The following FAM169A variants were observed in gnomAD, a reference collection of about 807,000 sequenced individuals.
FAM169A encodes soluble lamin-associated protein of 75 kDa.
A neutral mutation model predicts 75.7 loss-of-function variants in FAM169A; 24 were observed. The observed-to-expected ratio is 0.32, with a 90% confidence interval of 0.23 to 0.45. FAM169A has a LOEUF of 0.45. Among genes scored for constraint, FAM169A ranks in the 20% least tolerant of loss-of-function variants. FAM169A has a pLI of 1.00. For missense variants in FAM169A, 673 were observed against 784.0 expected, an observed-to-expected ratio of 0.86 and a Z score of 1.69; for synonymous variants, 271 against 271.0, an observed-to-expected ratio of 1.00 and a Z score of 0.00.
chr5:74,799,351 A>G (rs1235109481), intron 10 of FAM169A: 6 of 1,610,508 alleles, frequency 3.7e-6, no homozygotes, highest in Middle Eastern at 1.6e-4. Flanking sequence ...AGCACGACTC[A>G]TTTCAGTTTG....
intron 1 of FAM169A, among the ~76,000 whole-genome samples, chr5:74,844,173 A>G (rs560704829): frequency 9.2e-5 from 14 of 152,322 alleles, no homozygotes; most frequent in African/African-American, 2.9e-4. Flanking sequence ...TTTCCATGAC[A>G]AGGCCGGGCA....
intron 1 of FAM169A, among the ~76,000 whole-genome samples, chr5:74,844,313 T>C (rs1749034204): frequency 6.6e-6 from 1 of 151,472 alleles, no homozygotes; most frequent in Admixed American, 6.6e-5. Flanking sequence ...AATATGAAAA[T>C]TAGCCGGGTA....
In FAM169A at chr5:74,783,017, G is replaced by A; in HGVS notation, c.1378C>T (p.Pro460Ser). 6.2e-7 allele frequency: 1 copy of A among 1,613,400 alleles called. No individual in the cohort carries two copies. The highest frequency in any genetic ancestry group is 8.5e-7 in the Non-Finnish European group (1 of 1,179,362). ...GTAGAGTCTTCACTGGAATTAAAAGGCTGCAATTTTAATTCTTCATCTAAA... is the reference window on the plus strand; with the variant it reads ...GTAGAGTCTTCACTGGAATTAAAAGACTGCAATTTTAATTCTTCATCTAAA... Reference protein sequence around the residue: ...EVLDEELKLQPFNSSEDSTNL... With the variant: ...EVLDEELKLQSFNSSEDSTNL... Residue 460 changes from proline (P) to serine (S), a missense_variant, in exon 12 of 13, where the codon CCT (proline) becomes TCT (serine). By Grantham distance (74) the Pro-to-Ser change is moderately conservative. This residue lies in a region of FAM169A where 510 missense variants were observed against 550.9 expected (regional missense o/e 0.93). Transcript: ENST00000687041.
At chr5:74,832,304 A>G (rs1164530221) in intron 5 of FAM169A, among the ~76,000 whole-genome samples, 1 of 152,002 alleles carries the variant, frequency 6.6e-6, no homozygotes, top group Non-Finnish European at 1.5e-5. Flanking sequence ...CAAAAAACAA[A>G]CAAACTGTAA....
chr5:74,799,814 C>T (rs12656070), intron 10 of FAM169A: 99,996 of 1,063,276 alleles, frequency 0.094, 5,950 homozygotes, highest in East Asian at 0.15. Flanking sequence ...TCTTGAACTA[C>T]GATGACCGTG....
intron 1 of FAM169A, among the ~76,000 whole-genome samples, chr5:74,846,024 T>C (rs948519126): frequency 1.3e-5 from 2 of 152,210 alleles, no homozygotes; most frequent in East Asian, 3.8e-4. Flanking sequence ...CAATAGTGGA[T>C]AGAAGTAGTA....
intron 5 of FAM169A, 62 bp downstream of exon 5, chr5:74,834,364 T>G (rs973242387): frequency 2.6e-5 from 26 of 984,882 alleles, no homozygotes; most frequent in Non-Finnish European, 3.4e-5. Flanking sequence ...ATTGATACAG[T>G]TGGAGGGGTC....
intron 11 of FAM169A, among the ~76,000 whole-genome samples, chr5:74,791,782 A>T (rs1049072433): frequency 2.0e-5 from 3 of 152,230 alleles, no homozygotes; most frequent in Admixed American, 1.3e-4. Flanking sequence ...CCACTAGGAA[A>T]AAAAAACATG....
chr5:74,779,899 G>C lies in FAM169A; in HGVS notation c.*1561C>G, dbSNP rs1364353057. 6.6e-6 allele frequency: 1 copy of C among 152,102 alleles called. No homozygotes were observed. The highest frequency in any genetic ancestry group is 2.4e-5 in the African/African-American group (1 of 41,424). 9.4% of individuals were successfully genotyped at this position (152,102 alleles called of 1,614,324 possible). A position where few individuals can be genotyped will look rare whatever the true frequency, so the allele number is the denominator to read the frequency against. ...AATACACTTTCAACATCAGTCCTTA[G>C]CTACCTCAAATAATGACACAAAGTC... On this transcript the variant is annotated 3_prime_UTR_variant, in exon 13 of 13. Coordinates refer to ENST00000687041, the MANE Select transcript of FAM169A (RefSeq NM_001376049.1).
intron 2 of FAM169A, among the ~76,000 whole-genome samples, chr5:74,840,666 A>G (rs1748814357): frequency 6.6e-6 from 1 of 152,002 alleles, no homozygotes; most frequent in South Asian, 2.1e-4. Context: ...CATCTTTACT[A>G]AAAATATCAA....
chr5:74,843,668 C>T (rs148889463), intron 1 of FAM169A, among the ~76,000 whole-genome samples: 13 of 152,262 alleles, frequency 8.5e-5, no homozygotes, highest in Non-Finnish European at 1.5e-4. Context: ...TGAAATCATT[C>T]AGTATGCTCT....
Position 74,801,004 on chromosome 5 carries a change from G to T in FAM169A, c.979C>A (p.His327Asn). 2 of 1,563,496 alleles carry T rather than the reference G, an allele frequency of 1.3e-6. No individual in the cohort carries two copies. The highest frequency in any genetic ancestry group is 1.7e-6 in the Non-Finnish European group (2 of 1,154,804). ...CGCTTTAGATTACCACTTCGAGTAT[G>T]AGTGGAAACAGATGTTTTATCATGA... is the stretch of plus-strand genomic sequence containing the variant. ...EGHDKTSVSTHTRSGNLKRPK... is the reference protein window; with the variant it reads ...EGHDKTSVSTNTRSGNLKRPK... The change falls in exon 10 of 13, where the codon CAT (histidine) becomes AAT (asparagine). Residue 327 changes from histidine (H) to asparagine (N), a missense_variant. Around this residue, in one of 3 missense-constraint regions of FAM169A, gnomAD observed 510 missense variants for 550.9 expected, o/e 0.93. Coordinates refer to ENST00000687041, the MANE Select transcript of FAM169A (RefSeq NM_001376049.1).
intron 3 of FAM169A, 123 bp from the exon 4 acceptor site, chr5:74,839,173 A>G: frequency 3.0e-6 from 2 of 672,668 alleles, no homozygotes; most frequent in South Asian, 2.0e-5. Context: ...TATAAACCTT[A>G]CCAAATAGTA....
intron 8 of FAM169A, among the ~76,000 whole-genome samples, chr5:74,803,225 G>A (rs142120147): frequency 2.0e-5 from 3 of 152,034 alleles, no homozygotes; most frequent in East Asian, 1.9e-4. Flanking sequence ...CATTGCTCTC[G>A]TTACATTTAT....
At chr5:74,861,021 C>A (rs576198222) in intron 1 of FAM169A, among the ~76,000 whole-genome samples, 1 of 152,184 alleles carries the variant, frequency 6.6e-6, no homozygotes, top group East Asian at 1.9e-4. Context: ...TCTGCAATCC[C>A]AGCTACTCAG....
intron 6 of FAM169A, among the ~76,000 whole-genome samples, chr5:74,809,605 ACATAACT>A (rs1005372947): frequency 4.3e-4 from 65 of 152,344 alleles, no homozygotes; most frequent in Admixed American, 1.8e-3. Context: ...CAAAAAAAAA[ACATAACT>A]CATAACTCAA....
intron 11 of FAM169A, among the ~76,000 whole-genome samples, chr5:74,792,204 A>G (rs1286620445): frequency 2.6e-5 from 4 of 152,168 alleles, no homozygotes; most frequent in Non-Finnish European, 1.5e-5. Context: ...TAGACTTGTA[A>G]TGGTTAATAC....
chr5:74,788,951 A>G (rs887794401), intron 11 of FAM169A, among the ~76,000 whole-genome samples: 1 of 152,212 alleles, frequency 6.6e-6, no homozygotes, highest in African/African-American at 2.4e-5. Flanking sequence ...TCATTGCTTG[A>G]GGAAATTAAC....
At chr5:74,784,007 A>C (rs1745542972) in intron 11 of FAM169A, among the ~76,000 whole-genome samples, 1 of 152,080 alleles carries the variant, frequency 6.6e-6, no homozygotes, top group African/African-American at 2.4e-5. Context: ...CTAAAATAAA[A>C]ATTGTCTATA....
Sources: gnomAD v4.1 joint callset for allele counts (sites outside exome capture counted in the v4.1 genomes callset) on GRCh38, gnomAD v4.1.1 for gene constraint, gnomAD v4.1.1 regional missense constraint, MANE v1.5 for transcripts, NCBI Gene and HGNC (gene_info 2026-07-23, HGNC 2026-07-21) for gene names.